AGPAT5: variants seen among roughly 807,000 people sequenced by gnomAD.
AGPAT5 encodes the protein 1-acyl-sn-glycerol-3-phosphate acyltransferase epsilon.
Under a neutral mutation model 45.6 loss-of-function variants are expected in AGPAT5, and 46 were observed. The ratio of observed to expected loss-of-function variants is 1.01; its 90% CI spans 0.80 to 1.29. The LOEUF (loss-of-function observed/expected upper bound fraction) is 1.29. Among genes scored for constraint, AGPAT5 ranks in the 50% most tolerant of loss-of-function variants. The probability of loss-of-function intolerance (pLI) is 0.00; values close to 1 mark genes in which losing one functional copy is unlikely to be tolerated. For missense variants in AGPAT5, 673 were observed against 450.7 expected (o/e 1.49, Z -4.47); for synonymous variants, 272 against 167.0 (o/e 1.63, Z -4.85).
chr8:6,757,771 C>T lies in AGPAT5; in HGVS notation c.*383C>T, dbSNP rs949047602. ...TTATTTTCAATTTATTACAACTTGA[C>T]AGCTCCAAGCTCTTATTACTAAAGT... On this transcript the variant is annotated 3_prime_UTR_variant, in exon 8 of 8. Coordinates refer to ENST00000285518, the MANE Select transcript of AGPAT5 (RefSeq NM_018361.5). 1.8e-5 allele frequency: 3 copies of T among 164,622 alleles called. No homozygotes were observed. In the East Asian group the frequency reaches 5.1e-4, roughly 28 times the overall value. The allele number at this position is 164,622 out of a possible 1,614,324, so 10.2% of individuals were successfully genotyped here. A position where few individuals can be genotyped will look rare whatever the true frequency, so the allele number is the denominator to read the frequency against.
chr8:6,734,956 G>C (rs1303242725), intron 4 of AGPAT5, among the ~76,000 whole-genome samples: 2 of 152,032 alleles, frequency 1.3e-5, no homozygotes, highest in African/African-American at 4.8e-5. Context: ...CCTTGGAGTG[G>C]CTCTCTTCTT....
At chr8:6,710,684 G>A (rs574628126) in intron 1 of AGPAT5, among the ~76,000 whole-genome samples, 1 of 152,212 alleles carries the variant, frequency 6.6e-6, no homozygotes, top group East Asian at 1.9e-4. Context: ...TCTGCAATCT[G>A]GGTTTCCTGT....
chr8:6,726,085 A>G (rs756858692), intron 2 of AGPAT5, among the ~76,000 whole-genome samples: 3 of 152,244 alleles, frequency 2.0e-5, no homozygotes, highest in Non-Finnish European at 2.9e-5. Context: ...ACTTTATTAC[A>G]TGACTGGTTC....
At chr8:6,750,289 A>G (rs1801617498) in intron 6 of AGPAT5, among the ~76,000 whole-genome samples, 1 of 152,138 alleles carries the variant, frequency 6.6e-6, no homozygotes, top group African/African-American at 2.4e-5. Flanking sequence ...ACCTTCTGTG[A>G]GTTGCATTGC....
At position 6,719,785 on chromosome 8, in the gene AGPAT5, T is replaced by A. The variant is rs147347235; in HGVS notation, c.220-5085T>A. ...TGATGTTCTATCTTCTCTTAAAAAA[T>A]CTGCTCCTAATGGTGGTATTCTACA... On this transcript the variant is annotated intron_variant, in intron 1 of 7. Coordinates refer to ENST00000285518, the MANE Select transcript of AGPAT5 (RefSeq NM_018361.5). Among the ~76,000 whole-genome samples, 192 of 152,342 alleles carry A rather than the reference T, an allele frequency of 1.3e-3. 2 individuals carry two copies. In the Middle Eastern group the frequency reaches 0.027, roughly 22 times the overall value.
rs531965591 is a variant in AGPAT5 at position 6,758,406 on chromosome 8, T to A, written c.*1018T>A. The A allele has an allele frequency of 6.5e-6, 1 of 152,782 alleles. No homozygotes were observed. Among genetic ancestry groups the A allele is most frequent in the Admixed American group, 6.5e-5 (1 of 15,296 alleles). 9.5% of individuals were successfully genotyped at this position (152,782 alleles called of 1,614,324 possible). A position where few individuals can be genotyped will look rare whatever the true frequency, so the allele number is the denominator to read the frequency against. On this transcript the variant is annotated 3_prime_UTR_variant, in exon 8 of 8. Transcript: ENST00000285518. ...GTGGTGGATTCCCACTGGGCTCTGG[T>A]CCTTCCCTTGGATCCCGTCAGTGGT...
intron 1 of AGPAT5, among the ~76,000 whole-genome samples, chr8:6,719,661 C>A (rs1238723619): frequency 6.6e-6 from 1 of 152,182 alleles, no homozygotes; most frequent in East Asian, 1.9e-4. Context: ...GATGGGTAGC[C>A]TCCAGCTTTA....
intron 2 of AGPAT5, among the ~76,000 whole-genome samples, chr8:6,726,870 T>C (rs2116885857): frequency 6.6e-6 from 1 of 152,296 alleles, no homozygotes; most frequent in South Asian, 2.1e-4. Context: ...TAAAATTCTG[T>C]AAGTTGAGAA....
chr8:6,755,325 T>C (rs1801798867), intron 7 of AGPAT5, 151 bp downstream of exon 7: 43 of 893,220 alleles, frequency 4.8e-5, no homozygotes, highest in Non-Finnish European at 7.1e-5. Context: ...GATCGTGTTT[T>C]AAACTTTACT....
intron 7 of AGPAT5, 99 bp downstream of exon 7, chr8:6,755,273 A>G: frequency 2.4e-6 from 3 of 1,258,676 alleles, no homozygotes; most frequent in Non-Finnish European, 3.3e-6. Context: ...TATTGTCTCA[A>G]GAATACATTT....
intron 4 of AGPAT5, among the ~76,000 whole-genome samples, chr8:6,733,899 T>A (rs1432149023): frequency 3.9e-5 from 6 of 152,162 alleles, no homozygotes; most frequent in Non-Finnish European, 5.9e-5. Flanking sequence ...CTATGCACAG[T>A]GGCCCCTTGC....
chr8:6,739,683 T>C (rs1801175764), intron 4 of AGPAT5, among the ~76,000 whole-genome samples: 1 of 152,102 alleles, frequency 6.6e-6, no homozygotes, highest in Non-Finnish European at 1.5e-5. Context: ...ACATAAACAA[T>C]CATGTCATTG....
chr8:6,711,093 T>TTTTAAATAAAATAAAA (rs1316125757), intron 1 of AGPAT5, among the ~76,000 whole-genome samples: 5 of 152,078 alleles, frequency 3.3e-5, no homozygotes, highest in African/African-American at 1.2e-4. Context: ...TAAAATAAAA[T>TTTTAAATAAAATAAAA]TTTTTTTAAA....
intron 1 of AGPAT5, among the ~76,000 whole-genome samples, chr8:6,710,337 T>G (rs915505946): frequency 6.6e-6 from 1 of 152,222 alleles, no homozygotes; most frequent in East Asian, 1.9e-4. Context: ...CAAGTGATTT[T>G]GAAAACATTT....
At chr8:6,727,890 T>C (rs1041447944) in intron 2 of AGPAT5, among the ~76,000 whole-genome samples, 1 of 152,218 alleles carries the variant, frequency 6.6e-6, no homozygotes, top group Non-Finnish European at 1.5e-5. Flanking sequence ...TCTCAGAGCC[T>C]TATTGGTAAG....
In AGPAT5 at chr8:6,708,654, C is replaced by G. The variant is rs370484641; in HGVS notation, c.-15C>G. On this transcript the variant is annotated 5_prime_UTR_variant, in exon 1 of 8. Transcript: ENST00000285518. ...GGGGAGCGCAGGCGGAGCTCGCTGC[C>G]GCCGAGCTGAGAAGATGCTGCTGTC... The G allele has an allele frequency of 2.4e-5, 37 of 1,525,232 alleles. No homozygotes were observed. The Admixed American group carries it at 7.1e-4, about 29-fold the overall frequency. 94.5% of individuals were successfully genotyped at this position (1,525,232 alleles called of 1,614,324 possible). A position where few individuals can be genotyped will look rare whatever the true frequency, so the allele number is the denominator to read the frequency against.
chr8:6,742,729 C>G lies in AGPAT5; in HGVS notation c.586+978C>G, dbSNP rs1022506640. 4.6e-5 allele frequency among the ~76,000 whole-genome samples: 7 copies of G among 152,074 alleles called. No individual in the cohort carries two copies. The East Asian group carries it at 7.7e-4, about 17-fold the overall frequency. On this transcript the variant is annotated intron_variant, in intron 5 of 7. Coordinates refer to ENST00000285518, the MANE Select transcript of AGPAT5 (RefSeq NM_018361.5). ...AGGGGGAGTTTTTACAAGGTGCTTACAAGAGCAGATATGTCATAGGTATAT... is the reference window on the plus strand; with the variant it reads ...AGGGGGAGTTTTTACAAGGTGCTTAGAAGAGCAGATATGTCATAGGTATAT...
At chr8:6,727,691 CT>C (rs1800734080) in intron 2 of AGPAT5, among the ~76,000 whole-genome samples, 1 of 152,168 alleles carries the variant, frequency 6.6e-6, no homozygotes, top group Non-Finnish European at 1.5e-5. Flanking sequence ...TGCTATTTGC[CT>C]TTTTAATCTC....
intron 2 of AGPAT5, 25 bp downstream of exon 2, chr8:6,724,964 A>AGC (rs1800636207): frequency 1.0e-6 from 1 of 1,005,002 alleles, no homozygotes. Flanking sequence ...TGCATGAAAC[A>AGC]TAGGTTTTTC....
Sources: gnomAD v4.1 joint callset for allele counts (sites outside exome capture counted in the v4.1 genomes callset) on GRCh38, gnomAD v4.1.1 for gene constraint, MANE v1.5 for transcripts, NCBI Gene and HGNC (gene_info 2026-07-23, HGNC 2026-07-21) for gene names.